CADM2: variants seen among roughly 807,000 people sequenced by gnomAD.
CADM2 encodes cell adhesion molecule 2, also known as immunoglobulin superfamily member 4D.
CADM2 carries 12 observed loss-of-function variants against 49.8 expected under a neutral mutation model. The observed-to-expected ratio is 0.24, with a 90% CI of 0.15 to 0.39. The LOEUF is 0.39. Ranked by LOEUF, CADM2 falls within the 10% of genes least tolerant of loss-of-function variation. CADM2 has a pLI of 1.00. For missense variants in CADM2, 378 were observed against 492.3 expected (o/e 0.77, Z 2.20); for synonymous variants, 214 against 175.4 (o/e 1.22, Z -1.74).
intron 1 of CADM2, among the ~76,000 whole-genome samples, chr3:85,554,492 T>C (rs2061898763): frequency 6.6e-6 from 1 of 152,126 alleles, no homozygotes; most frequent in African/African-American, 2.4e-5. Context: ...CAAGAATCAA[T>C]TATAGACGCT....
intron 1 of CADM2, among the ~76,000 whole-genome samples, chr3:85,243,300 G>A (rs116495561): frequency 0.028 from 4,206 of 151,880 alleles, 178 homozygotes; most frequent in African/African-American, 0.095. Flanking sequence ...ATCGTTCAAT[G>A]AAAAACAGTA....
intron 1 of CADM2, among the ~76,000 whole-genome samples, chr3:85,253,355 T>C (rs2042816365): frequency 6.6e-6 from 1 of 152,120 alleles, no homozygotes; most frequent in Non-Finnish European, 1.5e-5. Flanking sequence ...TAACTCAGAT[T>C]TGTGTTTCTA....
At chr3:85,095,764 A>G (rs563756839) in intron 1 of CADM2, among the ~76,000 whole-genome samples, 1 of 152,306 alleles carries the variant, frequency 6.6e-6, no homozygotes, top group South Asian at 2.1e-4. Flanking sequence ...ACCAGTGAAC[A>G]CATCTCTAAT....
At chr3:85,812,601 C>G (rs2072947971) in intron 3 of CADM2, among the ~76,000 whole-genome samples, 1 of 151,696 alleles carries the variant, frequency 6.6e-6, no homozygotes, top group African/African-American at 2.4e-5. Context: ...GCAGAACATG[C>G]AGTTTTGTTA....
At chr3:85,005,579 A>G (rs2033678616) in intron 1 of CADM2, among the ~76,000 whole-genome samples, 1 of 152,118 alleles carries the variant, frequency 6.6e-6, no homozygotes, top group South Asian at 2.1e-4. Flanking sequence ...TTAAAATAAC[A>G]GTATTTTGTG....
chr3:85,930,913 T>G (rs992004253), intron 6 of CADM2, among the ~76,000 whole-genome samples: 3 of 149,424 alleles, frequency 2.0e-5, no homozygotes, highest in African/African-American at 7.3e-5. Flanking sequence ...AATATATTAA[T>G]AATTATATTA....
chr3:85,999,024 TG>T (rs1257273800), intron 8 of CADM2, among the ~76,000 whole-genome samples: 1 of 152,074 alleles, frequency 6.6e-6, no homozygotes, highest in East Asian at 1.9e-4. Context: ...AAGGGTTTTA[TG>T]GAAAAAAAAT....
intron 8 of CADM2, among the ~76,000 whole-genome samples, chr3:86,055,341 A>G (rs938447231): frequency 6.6e-6 from 1 of 151,978 alleles, no homozygotes; most frequent in African/African-American, 2.4e-5. Flanking sequence ...AGGTGCAGGC[A>G]GATTCAATGT....
chr3:85,212,818 CTT>C (rs2041812756), intron 1 of CADM2, among the ~76,000 whole-genome samples: 2 of 62,282 alleles, frequency 3.2e-5, no homozygotes, highest in Non-Finnish European at 6.2e-5. Flanking sequence ...TCTTCTCTTT[CTT>C]TCTTTCTTTC....
At chr3:85,934,985 G>A (rs1195771247) in intron 6 of CADM2, among the ~76,000 whole-genome samples, 2 of 151,872 alleles carry the variant, frequency 1.3e-5, no homozygotes, top group Non-Finnish European at 2.9e-5. Flanking sequence ...TGTTAATATC[G>A]TCTCTTTTTT....
At chr3:85,999,274 G>GGA (rs1559791907) in intron 8 of CADM2, among the ~76,000 whole-genome samples, 1 of 151,294 alleles carries the variant, frequency 6.6e-6, no homozygotes, top group Non-Finnish European at 1.5e-5. Context: ...CGAGGGTTGG[G>GGA]GGGTGGATCA....
intron 2 of CADM2, among the ~76,000 whole-genome samples, chr3:85,737,144 A>G (rs1326215721): frequency 6.6e-6 from 1 of 152,204 alleles, no homozygotes; most frequent in African/African-American, 2.4e-5. Flanking sequence ...AGCCCACAGG[A>G]AAGTACATTT....
chr3:85,371,213 C>T (rs2033203916), intron 1 of CADM2, among the ~76,000 whole-genome samples: 2 of 151,984 alleles, frequency 1.3e-5, no homozygotes, highest in South Asian at 2.1e-4. Context: ...CAGAAGCATA[C>T]CATAATGTCC....
At chr3:85,201,226 C>G (rs1307652031) in intron 1 of CADM2, among the ~76,000 whole-genome samples, 2 of 152,008 alleles carry the variant, frequency 1.3e-5, no homozygotes, top group Non-Finnish European at 2.9e-5. Flanking sequence ...TCCAGATCAC[C>G]ACAATAAAGA....
rs142700160 is a variant in CADM2 at position 85,246,733 on chromosome 3, A to G, written c.61+287065A>G. 3.9e-5 allele frequency among the ~76,000 whole-genome samples: 6 copies of G among 152,268 alleles called. No homozygotes were observed. In the East Asian group the frequency reaches 1.2e-3, roughly 29 times the overall value. Reference sequence around the variant, plus strand: ...GGCTAGGCAACTGATCATTTAGAATAAACTGTGAAGAACATACAAGTGTTC... The same window carrying G: ...GGCTAGGCAACTGATCATTTAGAATGAACTGTGAAGAACATACAAGTGTTC... On this transcript the variant is annotated intron_variant, in intron 1 of 9. Coordinates refer to ENST00000383699, the MANE Select transcript of CADM2 (RefSeq NM_001167675.2).
chr3:84,967,770 C>T (rs1170589244), intron 1 of CADM2, among the ~76,000 whole-genome samples: 1 of 151,892 alleles, frequency 6.6e-6, no homozygotes, highest in Non-Finnish European at 1.5e-5. Context: ...CCTTTCAACC[C>T]CCAAGGAGCA....
rs545486703 is a variant in CADM2 at position 85,507,356 on chromosome 3, T to A, written c.62-219166T>A. Among the ~76,000 whole-genome samples, 65 of 152,078 alleles carry A rather than the reference T, an allele frequency of 4.3e-4. 3 individuals are homozygous for A. The South Asian group carries it at 0.012, about 29-fold the overall frequency. ...GCGTGCACCACCATGCCTGGCTAGT[T>A]TTTTGTATTTTTAGTAGACATGGGG... On this transcript the variant is annotated intron_variant, in intron 1 of 9. Coordinates refer to ENST00000383699, the MANE Select transcript of CADM2 (RefSeq NM_001167675.2).
intron 1 of CADM2, among the ~76,000 whole-genome samples, chr3:85,213,869 T>C (rs949043407): frequency 6.6e-6 from 1 of 152,144 alleles, no homozygotes; most frequent in Non-Finnish European, 1.5e-5. Flanking sequence ...TGATACACTC[T>C]TCAGTATGTC....
chr3:85,548,852 T>A (rs1307324834), intron 1 of CADM2, among the ~76,000 whole-genome samples: 1 of 152,194 alleles, frequency 6.6e-6, no homozygotes, highest in Non-Finnish European at 1.5e-5. Context: ...AGGTGTCTAA[T>A]AAAGTAAGTG....
Sources: gnomAD v4.1 joint callset for allele counts (sites outside exome capture counted in the v4.1 genomes callset) on GRCh38, gnomAD v4.1.1 for gene constraint, MANE v1.5 for transcripts, NCBI Gene and HGNC (gene_info 2026-07-23, HGNC 2026-07-21) for gene names.